Variants in TBL1X observed in about 807,000 individuals in gnomAD.
TBL1X encodes the protein F-box-like/WD repeat-containing protein TBL1X.
In TBL1X, 10 loss-of-function variants were observed where a neutral mutation model predicts 50.7. The observed-to-expected ratio is 0.20, with a 90% CI of 0.12 to 0.33. The LOEUF is 0.33. Ranked by LOEUF, TBL1X falls within the 10% of genes least tolerant of loss-of-function variation. The probability of loss-of-function intolerance (pLI) is 1.00; values close to 1 mark genes in which losing one functional copy is unlikely to be tolerated. For synonymous variants in TBL1X, 190 were observed against 214.7 expected (o/e 0.88, Z 1.01); for missense variants, 340 against 504.4 (o/e 0.67, Z 3.12).
intron 1 of TBL1X, among the ~76,000 whole-genome samples, chrX:9,479,965 T>TGTGTGTGTGTGTGTGTGTGTGC (rs1313372994): frequency 9.2e-6 from 1 of 108,615 alleles, no homozygotes; most frequent in Non-Finnish European, 1.9e-5. Context: ...TGTGTGTGTG[T>TGTGTGTGTGTGTGTGTGTGTGC]TTGAGATGGA....
intron 2 of TBL1X, among the ~76,000 whole-genome samples, chrX:9,624,691 C>T (rs1324996270): frequency 9.0e-6 from 1 of 111,515 alleles, no homozygotes; most frequent in African/African-American, 3.3e-5. Flanking sequence ...AGCCTGTTTT[C>T]TATTAGACTG....
chrX:9,636,413 A>G (rs1389882905), intron 2 of TBL1X: 1 of 110,773 alleles, frequency 9.0e-6, no homozygotes, highest in African/African-American at 3.3e-5. Context: ...AAAAATAAGA[A>G]TTTTTTTAAA....
rs1204801465 is a variant in TBL1X, at chrX:9,581,260, G to A, written c.-130-59013G>A. 3.6e-5 allele frequency among the ~76,000 whole-genome samples: 4 copies of A among 112,035 alleles called. No individual in the cohort carries two copies. In the East Asian group the frequency reaches 1.1e-3, roughly 31 times the overall value. On this transcript the variant is annotated intron_variant, in intron 2 of 17. Transcript: ENST00000645353. ...ATTTTGCCTTCCTGAAAGGCCATCT[G>A]AGTTCATTAAACTTGCATGCTTCCA...
At chrX:9,519,238 T>TACA (rs1364492639) in intron 2 of TBL1X, among the ~76,000 whole-genome samples, 1 of 111,116 alleles carries the variant, frequency 9.0e-6, no homozygotes, top group Non-Finnish European at 1.9e-5. Flanking sequence ...CACATATATA[T>TACA]TTATTTAGTT....
intron 2 of TBL1X, among the ~76,000 whole-genome samples, chrX:9,581,343 G>T (rs956237197): frequency 1.8e-5 from 2 of 111,469 alleles, no homozygotes; most frequent in African/African-American, 6.5e-5. Flanking sequence ...ACCATTTGTT[G>T]TCCATCAGCT....
chrX:9,529,268 G>C, intron 2 of TBL1X, among the ~76,000 whole-genome samples: 1 of 110,738 alleles, frequency 9.0e-6, no homozygotes, highest in Admixed American at 9.6e-5. Flanking sequence ...TGGGTGGGTT[G>C]CAGCAGAGAT....
At chrX:9,556,611 G>T (rs1196580558) in intron 2 of TBL1X, among the ~76,000 whole-genome samples, 1 of 109,077 alleles carries the variant, frequency 9.2e-6, no homozygotes, top group Non-Finnish European at 1.9e-5. Context: ...CCATGCGAGT[G>T]CTCCAGCCTG....
intron 5 of TBL1X, among the ~76,000 whole-genome samples, chrX:9,683,639 A>G (rs113744278): frequency 9.0e-6 from 1 of 111,384 alleles, no homozygotes; most frequent in Non-Finnish European, 1.9e-5. Context: ...TGACACAGAG[A>G]GGCTTCAGCA....
At chrX:9,572,285 C>T (rs1000319548) in intron 2 of TBL1X, among the ~76,000 whole-genome samples, 8 of 112,670 alleles carry the variant, frequency 7.1e-5, no homozygotes, top group Non-Finnish European at 1.5e-4. Flanking sequence ...CTGTGCCAGC[C>T]CACATCCCCT....
intron 2 of TBL1X, among the ~76,000 whole-genome samples, chrX:9,611,921 G>T (rs1205274041): frequency 8.9e-6 from 1 of 112,411 alleles, no homozygotes; most frequent in Non-Finnish European, 1.9e-5. Context: ...CCTCCGTGCA[G>T]CCTGCCAGGT....
intron 15 of TBL1X, among the ~76,000 whole-genome samples, chrX:9,710,529 G>A (rs762096150): frequency 8.9e-6 from 1 of 111,897 alleles, no homozygotes; most frequent in Non-Finnish European, 1.9e-5. Flanking sequence ...GTGCTTTTGC[G>A]TCGCGTGGTA....
At chrX:9,575,330 A>G (rs1349227435) in intron 2 of TBL1X, among the ~76,000 whole-genome samples, 1 of 111,539 alleles carries the variant, frequency 9.0e-6, no homozygotes, top group Non-Finnish European at 1.9e-5. Context: ...GGGGATTCAG[A>G]GCCAAACCAT....
chrX:9,561,172 C>T (rs982827717), intron 2 of TBL1X, among the ~76,000 whole-genome samples: 7 of 111,489 alleles, frequency 6.3e-5, no homozygotes, highest in African/African-American at 2.3e-4. Context: ...ACAACCACCA[C>T]CTTTTAAAAA....
intron 1 of TBL1X, among the ~76,000 whole-genome samples, chrX:9,491,827 G>A (rs989394220): frequency 1.8e-5 from 2 of 110,810 alleles, no homozygotes; most frequent in Non-Finnish European, 3.8e-5. Context: ...TTGTTTTGGT[G>A]ATTGAAATGT....
At chrX:9,550,966 C>G (rs949211154) in intron 2 of TBL1X, among the ~76,000 whole-genome samples, 4 of 111,224 alleles carry the variant, frequency 3.6e-5, no homozygotes, top group Non-Finnish European at 5.7e-5. Context: ...GGACAGCCCC[C>G]CCCCAACCAA....
intron 1 of TBL1X, among the ~76,000 whole-genome samples, chrX:9,475,325 G>A (rs1483348446): frequency 9.1e-6 from 1 of 109,978 alleles, no homozygotes; most frequent in Non-Finnish European, 1.9e-5. Flanking sequence ...TCACTGCAAC[G>A]TCTGCCTCCC....
intron 2 of TBL1X, chrX:9,560,642 A>G (rs1245313419): frequency 8.9e-6 from 1 of 111,975 alleles, no homozygotes. Context: ...AGGCTGAGGA[A>G]TGGGAAACCA....
chrX:9,526,888 C>G (rs1000978829), intron 2 of TBL1X, among the ~76,000 whole-genome samples: 5 of 111,575 alleles, frequency 4.5e-5, no homozygotes, highest in Non-Finnish European at 9.4e-5. Context: ...GAGGCAGATA[C>G]TGGAAAGCAG....
chrX:9,527,974 G>A (rs889795371), intron 2 of TBL1X, among the ~76,000 whole-genome samples: 1 of 110,597 alleles, frequency 9.0e-6, no homozygotes, highest in African/African-American at 3.3e-5. Context: ...CTGTAGAGAC[G>A]TGGTCTCCTT....
Sources: gnomAD v4.1 joint callset for allele counts (sites outside exome capture counted in the v4.1 genomes callset) on GRCh38, gnomAD v4.1.1 for gene constraint, MANE v1.5 for transcripts, NCBI Gene and HGNC (gene_info 2026-07-23, HGNC 2026-07-21) for gene names.